Variants in CHODL observed in about 807,000 individuals in gnomAD.
CHODL encodes the protein transmembrane protein MT75.
A neutral mutation model predicts 34.5 loss-of-function variants in CHODL; 29 were observed. That is an observed-to-expected ratio of 0.84 (90% CI 0.63 to 1.15). The LOEUF (loss-of-function observed/expected upper bound fraction) is 1.15, where lower values mean the gene tolerates loss of function less well. Ranked by LOEUF, CHODL falls within the 50% of genes most tolerant of loss-of-function variation. CHODL has a pLI of 0.00. For missense variants in CHODL, 332 were observed against 332.5 expected, an observed-to-expected ratio of 1.00 and a Z score of 0.01; for synonymous variants, 125 against 116.1, an observed-to-expected ratio of 1.08 and a Z score of -0.49.
Position 18,256,620 on chromosome 21 carries a change from A to G in CHODL, c.191A>G (p.Glu64Gly). Residue 64 changes from glutamate to glycine, a missense_variant, in exon 2 of 6, where the codon GAG (glutamate) becomes GGG (glycine). Physicochemically the swap from Glu to Gly is moderately conservative, Grantham distance 98. Coordinates refer to ENST00000299295, the MANE Select transcript of CHODL (RefSeq NM_024944.3). The stretch of plus-strand genomic sequence containing the variant: ...GAGGCACGCCTGGCTTGTGAGAGTG[A>G]GGGAGGAGTCCTCCTCAGCCTTGAG... ...FQEARLACES[E>G]GGVLLSLENE... is the part of the protein sequence containing the mutation. 1 of 1,613,958 alleles carries G rather than the reference A, an allele frequency of 6.2e-7. No individual in the cohort carries two copies. Among genetic ancestry groups the G allele is most frequent in the Non-Finnish European group, 8.5e-7 (1 of 1,179,980 alleles).
intron 2 of CHODL, among the ~76,000 whole-genome samples, chr21:18,032,941 G>A (rs982055488): frequency 2.0e-5 from 3 of 151,996 alleles, no homozygotes; most frequent in South Asian, 2.1e-4. Flanking sequence ...TATTTAAAAC[G>A]TAGCAGTGAA....
At chr21:18,217,751 A>G (rs1363564464) in intron 2 of CHODL, among the ~76,000 whole-genome samples, 5 of 152,164 alleles carry the variant, frequency 3.3e-5, no homozygotes, top group East Asian at 3.9e-4. Flanking sequence ...CCTTTCACCT[A>G]TGAGCCTGCA....
intron 2 of CHODL, among the ~76,000 whole-genome samples, chr21:18,221,625 T>C (rs2824707): frequency 0.28 from 42,315 of 152,102 alleles, 6,396 homozygotes; most frequent in African/African-American, 0.41. Context: ...CTTAGTATGA[T>C]TTATTTGGCT....
intron 1 of CHODL, among the ~76,000 whole-genome samples, chr21:18,248,696 T>TATATATGTATATATTATATAC (rs1568955272): frequency 4.3e-5 from 5 of 116,004 alleles, no homozygotes; most frequent in Non-Finnish European, 6.4e-5. Flanking sequence ...ATTATATACA[T>TATATATGTATATATTATATAC]ATATATGTAT....
chr21:17,962,139 G>A (rs555360369), intron 1 of CHODL, among the ~76,000 whole-genome samples: 42 of 152,252 alleles, frequency 2.8e-4, no homozygotes, highest in African/African-American at 9.6e-4. Context: ...TCAGGGGTGT[G>A]GGAAAGCAGG....
chr21:18,103,016 CA>C (rs1326716846), intron 2 of CHODL, among the ~76,000 whole-genome samples: 1 of 152,092 alleles, frequency 6.6e-6, no homozygotes, highest in Non-Finnish European at 1.5e-5. Flanking sequence ...CTAAAAATTT[CA>C]TTATGAATGA....
chr21:18,233,597 A>G (rs770669140), intron 2 of CHODL, among the ~76,000 whole-genome samples: 1 of 152,134 alleles, frequency 6.6e-6, no homozygotes, highest in Non-Finnish European at 1.5e-5. Flanking sequence ...CGATAACATT[A>G]TCCAGTGTGA....
rs190734275 is a variant in CHODL, at chr21:18,137,046, G to T, written c.-45+109075G>T. Reference sequence around the variant, plus strand: ...TCCCTAACTATTACTAAAGGTGAATGACAACAGATATTTTGGGCATCCTGA... The same window carrying T: ...TCCCTAACTATTACTAAAGGTGAATTACAACAGATATTTTGGGCATCCTGA... On this transcript the variant is annotated intron_variant, in intron 2 of 6. Coordinates refer to the CHODL transcript ENST00000400127. 4.1e-4 allele frequency among the ~76,000 whole-genome samples: 62 copies of T among 152,152 alleles called. 2 individuals are homozygous for T. Among genetic ancestry groups the T allele is most frequent in the Admixed American group, 2.0e-3 (31 of 15,280 alleles).
At chr21:18,019,866 A>G (rs2064111516) in intron 1 of CHODL, among the ~76,000 whole-genome samples, 1 of 152,140 alleles carries the variant, frequency 6.6e-6, no homozygotes, top group African/African-American at 2.4e-5. Context: ...TCAGAAGAAA[A>G]GCAATAGAGC....
At chr21:18,009,744 C>T (rs1046987679) in intron 1 of CHODL, among the ~76,000 whole-genome samples, 3 of 151,112 alleles carry the variant, frequency 2.0e-5, no homozygotes, top group Admixed American at 6.6e-5. Context: ...AAAAATTAGC[C>T]GGGCGTGGTG....
At chr21:18,089,916 A>T (rs1029411410) in intron 2 of CHODL, among the ~76,000 whole-genome samples, 2 of 152,222 alleles carry the variant, frequency 1.3e-5, no homozygotes, top group African/African-American at 4.8e-5. Context: ...AGGGTTACAG[A>T]CTAAGAGATT....
intron 2 of CHODL, among the ~76,000 whole-genome samples, chr21:18,041,675 G>A (rs557940937): frequency 6.6e-6 from 1 of 152,002 alleles, no homozygotes; most frequent in Admixed American, 6.6e-5. Context: ...GAATTTTGTA[G>A]TAGACTGAAT....
intron 1 of CHODL, among the ~76,000 whole-genome samples, chr21:17,973,391 T>C (rs1454571006): frequency 6.7e-6 from 1 of 150,192 alleles, no homozygotes; most frequent in East Asian, 1.9e-4. Context: ...CAATCTACTA[T>C]GCATTTTCTT....
chr21:18,139,073 G>A (rs2072771224), intron 2 of CHODL, among the ~76,000 whole-genome samples: 3 of 152,022 alleles, frequency 2.0e-5, no homozygotes, highest in Admixed American at 1.3e-4. Context: ...GTGCGCATGA[G>A]TATGTGTAAA....
intron 2 of CHODL, among the ~76,000 whole-genome samples, chr21:18,086,041 CTTTTTTTTTTTT>C (rs3984977): frequency 8.5e-4 from 33 of 38,734 alleles, no homozygotes; most frequent in Non-Finnish European, 1.3e-3. Flanking sequence ...AGACTTTGTT[CTTTTTTTTTTTT>C]TTTTTTTTTT....
chr21:17,958,199 CA>C, intron 1 of CHODL, among the ~76,000 whole-genome samples: 2 of 152,238 alleles, frequency 1.3e-5, no homozygotes, highest in South Asian at 4.1e-4. Context: ...TAAATTTCCT[CA>C]TGGGCTTTTC....
chr21:18,089,559 T>G (rs1568880287), intron 2 of CHODL, among the ~76,000 whole-genome samples: 1 of 152,228 alleles, frequency 6.6e-6, no homozygotes, highest in African/African-American at 2.4e-5. Context: ...ACACAGTATA[T>G]TCTGTTTTCT....
At chr21:17,968,549 T>TC (rs2063590714) in intron 1 of CHODL, among the ~76,000 whole-genome samples, 1 of 152,238 alleles carries the variant, frequency 6.6e-6, no homozygotes, top group Admixed American at 6.5e-5. Flanking sequence ...CCTAATGGTT[T>TC]CTTTTTTTTC....
chr21:18,143,968 T>G (rs2072833947), intron 2 of CHODL, among the ~76,000 whole-genome samples: 1 of 152,070 alleles, frequency 6.6e-6, no homozygotes, highest in Non-Finnish European at 1.5e-5. Context: ...CAAAACCAAG[T>G]GATTATATTG....
Sources: gnomAD v4.1 joint callset for allele counts (sites outside exome capture counted in the v4.1 genomes callset) on GRCh38, gnomAD v4.1.1 for gene constraint, MANE v1.5 for transcripts, NCBI Gene and HGNC (gene_info 2026-07-23, HGNC 2026-07-21) for gene names.